The following RARRES1 variants were observed in gnomAD, a reference collection of about 807,000 sequenced individuals.
RARRES1 encodes retinoic acid receptor responder 1, also known as retinoic acid receptor responder protein 1.
Under a neutral mutation model 30.6 loss-of-function variants are expected in RARRES1, and 34 were observed. The observed-to-expected ratio is 1.11, with a 90% CI of 0.84 to 1.48. RARRES1 has a LOEUF of 1.48. RARRES1 is among the 40% of genes most tolerant of loss of function. RARRES1 has a pLI of 0.00. For synonymous variants in RARRES1, 153 were observed against 155.5 expected (o/e 0.98, Z 0.12); for missense variants, 373 against 386.5 (o/e 0.97, Z 0.29).
rs1271259480 is a variant in RARRES1, at chr3:158,710,764, T to C, written c.509A>G (p.Asn170Ser). ...AGGTATGCTGACTATTTCCAAGGGG[T>C]TTTTCAGTTGCTTCATTTGCTTGTA... ...LLYKQMKQLK[N>S]PLEIVSIPDN... The change falls in exon 3 of 6, where the codon AAC becomes AGC. Residue 170 changes from asparagine to serine, a missense_variant. Asn to Ser is a conservative substitution (Grantham distance 46). Transcript: ENST00000237696. The C allele has an allele frequency of 3.1e-6, 5 of 1,611,902 alleles. No individual in the cohort carries two copies. In the East Asian group the frequency reaches 1.1e-4, roughly 36 times the overall value.
intron 1 of RARRES1, among the ~76,000 whole-genome samples, chr3:158,720,385 G>T (rs1346282235): frequency 6.8e-6 from 1 of 147,522 alleles, no homozygotes; most frequent in Admixed American, 6.6e-5. Flanking sequence ...AGACTGCCAG[G>T]CATGATGTAT....
intron 1 of RARRES1, among the ~76,000 whole-genome samples, chr3:158,727,701 T>C (rs1727736221): frequency 6.6e-6 from 1 of 152,166 alleles, no homozygotes; most frequent in South Asian, 2.1e-4. Flanking sequence ...CAACTGTGGG[T>C]CCTGAGCCTA....
chr3:158,730,403 CCTTCCTTCCTTCCT>C (rs1559877013), intron 1 of RARRES1, among the ~76,000 whole-genome samples: 1 of 105,918 alleles, frequency 9.4e-6, no homozygotes, highest in African/African-American at 4.1e-5. Context: ...TTCCTTCCTT[CCTTCCTTCCTTCCT>C]CTCTCTCTTT....
intron 4 of RARRES1, chr3:158,698,291 C>T (rs999633559): frequency 4.4e-6 from 1 of 225,718 alleles, no homozygotes; most frequent in Admixed American, 5.4e-5. Context: ...GATATATTAG[C>T]CCTGATATGA....
intron 2 of RARRES1, among the ~76,000 whole-genome samples, chr3:158,711,600 CTTTTTTTTTTTT>C (rs1175463184): frequency 4.1e-5 from 5 of 121,314 alleles, no homozygotes; most frequent in Non-Finnish European, 8.5e-5. Context: ...TTGCATTCAT[CTTTTTTTTTTTT>C]TTTTTTTTTG....
chr3:158,713,866 C>A lies in RARRES1; in HGVS notation c.277-7G>T. 6.2e-7 allele frequency: 1 copy of A among 1,612,058 alleles called. No homozygotes were observed. The highest frequency in any genetic ancestry group is 1.1e-5 in the South Asian group (1 of 91,036). On this transcript the variant is annotated splice_polypyrimidine_tract_variant and splice_region_variant and intron_variant, in intron 1 of 5. Transcript: ENST00000237696. ...ATCCCTCTTTTGGATTAATCTGGAA[C>A]ACAGAAACTGAATCTTAGTATAGTA...
In RARRES1 at chr3:158,732,339, G is replaced by A; in HGVS notation, c.77C>T (p.Ala26Val). Reference sequence around the variant, plus strand: ...CACCGGGGCGAGCAACAGCAGCAGCGCGAGCAGCGGGGCGGTGGGGCGCGG... The same window carrying A: ...CACCGGGGCGAGCAACAGCAGCAGCACGAGCAGCGGGGCGGTGGGGCGCGG... ...RGPRPTAPLL[A>V]LLLLLAPVAA... Residue 26 changes from alanine (A) to valine (V), a missense_variant, in exon 1 of 6, where the codon GCG becomes GTG. Physicochemically the swap from Ala to Val is moderately conservative, Grantham distance 64 (BLOSUM62 0). Coordinates refer to ENST00000237696, the MANE Select transcript of RARRES1 (RefSeq NM_206963.2). 7.1e-7 allele frequency: 1 copy of A among 1,407,196 alleles called. No individual in the cohort carries two copies. Among genetic ancestry groups the A allele is most frequent in the South Asian group, 1.5e-5 (1 of 65,796 alleles). 87.2% of individuals were successfully genotyped at this position (1,407,196 alleles called of 1,614,324 possible). A position where few individuals can be genotyped will look rare whatever the true frequency, so the allele number is the denominator to read the frequency against.
intron 3 of RARRES1, among the ~76,000 whole-genome samples, chr3:158,706,064 T>C (rs16847135): frequency 0.16 from 24,879 of 152,184 alleles, 2,191 homozygotes; most frequent in South Asian, 0.22. Context: ...AACAAACTTA[T>C]TAGGAAACTA....
At chr3:158,731,082 C>T (rs899678256) in intron 1 of RARRES1, among the ~76,000 whole-genome samples, 4 of 152,214 alleles carry the variant, frequency 2.6e-5, no homozygotes, top group Non-Finnish European at 4.4e-5. Flanking sequence ...CGTGCCTGGC[C>T]AGGTTGCCTT....
At chr3:158,699,121 G>A (rs968582093) in intron 4 of RARRES1, among the ~76,000 whole-genome samples, 4 of 152,242 alleles carry the variant, frequency 2.6e-5, no homozygotes, top group South Asian at 4.1e-4. Flanking sequence ...CCACAATGGC[G>A]TCAGCTTGAC....
At chr3:158,716,348 C>T (rs9847482) in intron 1 of RARRES1, among the ~76,000 whole-genome samples, 47,968 of 151,990 alleles carry the variant, frequency 0.32, 7,623 homozygotes, top group South Asian at 0.44. Flanking sequence ...TCAGCCTTCA[C>T]GCCAGTGATA....
At chr3:158,706,136 G>A (rs1391759494) in intron 3 of RARRES1, among the ~76,000 whole-genome samples, 3 of 152,182 alleles carry the variant, frequency 2.0e-5, no homozygotes, top group Non-Finnish European at 4.4e-5. Context: ...AACTTGGCTA[G>A]TTTATACTCA....
intron 1 of RARRES1, among the ~76,000 whole-genome samples, chr3:158,718,017 C>T (rs1727381319): frequency 6.8e-6 from 1 of 146,084 alleles, no homozygotes; most frequent in Non-Finnish European, 1.5e-5. Context: ...CTTGCTCTGT[C>T]GCCCAGGCTG....
rs1726992259 is a variant in RARRES1, at chr3:158,708,304, G to C, written c.535+2434C>G. Among the ~76,000 whole-genome samples the C allele has an allele frequency of 2.0e-5, 3 of 152,102 alleles. No individual in the cohort carries two copies. In the South Asian group the frequency reaches 6.2e-4, roughly 32 times the overall value. ...ATGGTGCTGCTGTGAGTTCAGATTT[G>C]TGAGATCAAAACCCATCACCCTAGA... On this transcript the variant is annotated intron_variant, in intron 3 of 5. Coordinates refer to ENST00000237696, the MANE Select transcript of RARRES1 (RefSeq NM_206963.2).
At position 158,704,803 on chromosome 3, in the gene RARRES1, A is replaced by G; in HGVS notation, c.660T>C (p.Ser220=). The G allele has an allele frequency of 1.9e-6, 3 of 1,613,166 alleles. No homozygotes were observed. Among genetic ancestry groups the G allele is most frequent in the East Asian group, 2.2e-5 (1 of 44,864 alleles). ...VSHYYLAQLT[S]VRQWKTNDDT... ...AGGTTTTTCTTACCCACTGCCTCAC[A>G]CTAGTGAGCTGTGCCAAGTAGTAGT... The change falls in exon 4 of 6, where the codon AGT becomes AGC. Residue 220 remains serine, a synonymous_variant. Transcript: ENST00000237696.
intron 4 of RARRES1, chr3:158,698,284 A>T (rs2108127530): frequency 4.1e-6 from 1 of 242,062 alleles, no homozygotes; most frequent in South Asian, 7.2e-5. Context: ...TCAAGCTGAT[A>T]TATTAGCCCT....
intron 4 of RARRES1, among the ~76,000 whole-genome samples, chr3:158,699,465 C>T (rs558288658): frequency 6.5e-4 from 97 of 150,252 alleles, no homozygotes; most frequent in African/African-American, 2.2e-3. Context: ...TTTAGACTCC[C>T]CTTTGCCTAC....
chr3:158,712,723 A>G (rs1441977563), intron 2 of RARRES1, among the ~76,000 whole-genome samples: 4 of 152,300 alleles, frequency 2.6e-5, no homozygotes, highest in Admixed American at 2.6e-4. Flanking sequence ...TTCCCCCTCA[A>G]AACATCTCCA....
intron 1 of RARRES1, among the ~76,000 whole-genome samples, chr3:158,720,273 T>TGTGTGAGA (rs1160861397): frequency 5.5e-5 from 8 of 144,540 alleles, no homozygotes; most frequent in African/African-American, 2.0e-4. Flanking sequence ...TGTATGTGTG[T>TGTGTGAGA]GAGAGAGAGA....
Sources: gnomAD v4.1 joint callset for allele counts (sites outside exome capture counted in the v4.1 genomes callset) on GRCh38, gnomAD v4.1.1 for gene constraint, MANE v1.5 for transcripts, NCBI Gene and HGNC (gene_info 2026-07-23, HGNC 2026-07-21) for gene names.